Variants in SLC35F1 observed in about 807,000 individuals in gnomAD.
SLC35F1 encodes chromosome 6 open reading frame 169.
SLC35F1 carries 14 observed loss-of-function variants against 48.7 expected under a neutral mutation model. The observed-to-expected ratio is 0.29, with a 90% CI of 0.19 to 0.45. The LOEUF is 0.45. Ranked by LOEUF, SLC35F1 falls within the 20% of genes least tolerant of loss-of-function variation. The pLI is 1.00. For synonymous variants in SLC35F1, 190 were observed against 202.2 expected, an observed-to-expected ratio of 0.94 and a Z score of 0.51; for missense variants, 404 against 500.0, an observed-to-expected ratio of 0.81 and a Z score of 1.83.
intron 1 of SLC35F1, among the ~76,000 whole-genome samples, chr6:118,073,563 T>C (rs1407961998): frequency 6.6e-6 from 1 of 152,156 alleles, no homozygotes; most frequent in Non-Finnish European, 1.5e-5. Flanking sequence ...AAAGAACAAA[T>C]AAAATGCTGT....
Position 118,019,181 on chromosome 6 carries a change from G to T in SLC35F1, c.173+111282G>T, listed in dbSNP as rs771246369. 4.7e-4 allele frequency among the ~76,000 whole-genome samples: 71 copies of T among 151,350 alleles called. No homozygotes were observed. In the Middle Eastern group the frequency reaches 0.01, roughly 22 times the overall value. The stretch of plus-strand genomic sequence containing the variant: ...TTGAATAAATATAATTGTAATTTTA[G>T]AATAAATATATTAAAATATATAGTA... On this transcript the variant is annotated intron_variant, in intron 1 of 7. Coordinates refer to ENST00000360388, the MANE Select transcript of SLC35F1 (RefSeq NM_001029858.4).
intron 3 of SLC35F1, among the ~76,000 whole-genome samples, chr6:118,260,677 C>T (rs559501733): frequency 2.6e-5 from 4 of 152,138 alleles, no homozygotes; most frequent in Non-Finnish European, 5.9e-5. Context: ...TCTATATATG[C>T]CTTCACTGTC....
rs991955298 is a variant in SLC35F1 at position 117,923,949 on chromosome 6, TTATA to T, written c.173+16055_173+16058del. On this transcript the variant is annotated intron_variant, in intron 1 of 7. Transcript: ENST00000360388. ...ATGTGTTATGTACTAGATTGACACTTTATATATACATATATAGGGAATAGAATGG... is the reference window on the plus strand; with the variant it reads ...ATGTGTTATGTACTAGATTGACACTTTATACATATATAGGGAATAGAATGG... Among the ~76,000 whole-genome samples the T allele has an allele frequency of 4.7e-5, 7 of 150,216 alleles. No homozygotes were observed. The East Asian group carries it at 7.9e-4, about 17-fold the overall frequency.
At chr6:118,080,622 T>G (rs891862943) in intron 1 of SLC35F1, among the ~76,000 whole-genome samples, 2 of 152,222 alleles carry the variant, frequency 1.3e-5, no homozygotes, top group Non-Finnish European at 2.9e-5. Flanking sequence ...ATTGAGCTAT[T>G]AGAGGCTAAG....
At chr6:118,222,823 G>A (rs1398081032) in intron 2 of SLC35F1, among the ~76,000 whole-genome samples, 2 of 152,166 alleles carry the variant, frequency 1.3e-5, no homozygotes, top group Non-Finnish European at 2.9e-5. Context: ...TGGCCACTGA[G>A]TCCTTTTGAT....
intron 1 of SLC35F1, among the ~76,000 whole-genome samples, chr6:118,085,418 A>G (rs1772972564): frequency 6.6e-6 from 1 of 150,526 alleles, no homozygotes; most frequent in Admixed American, 6.6e-5. Flanking sequence ...GCCTATGTCA[A>G]CTAGTTACAG....
At chr6:118,196,763 C>T (rs1774806132) in intron 2 of SLC35F1, among the ~76,000 whole-genome samples, 2 of 152,054 alleles carry the variant, frequency 1.3e-5, no homozygotes, top group South Asian at 4.1e-4. Context: ...AAATCATTGT[C>T]AAGACCAATG....
chr6:117,954,086 C>T (rs1363238849), intron 1 of SLC35F1, among the ~76,000 whole-genome samples: 2 of 152,138 alleles, frequency 1.3e-5, no homozygotes, highest in African/African-American at 4.8e-5. Flanking sequence ...GGAAAGCAGT[C>T]ATATTTTTGT....
intron 2 of SLC35F1, among the ~76,000 whole-genome samples, chr6:118,178,887 C>G (rs1324103781): frequency 1.3e-5 from 2 of 152,072 alleles, no homozygotes; most frequent in Non-Finnish European, 2.9e-5. Context: ...TTTGAACATT[C>G]TTCTTTAGAA....
rs776663685 is a variant in SLC35F1 at position 118,267,132 on chromosome 6, T to G, written c.615T>G (p.Leu205=). ...GCTGCATGGTGGGAGCAGATGTGCT[T>G]GTGGGAAGACATCAGGGAGCAGGTG... ...GMGCMVGADV[L]VGRHQGAGEN... Residue 205 remains leucine (L), a synonymous_variant, in exon 4 of 8, where the codon CTT becomes CTG. Transcript: ENST00000360388. The G allele has an allele frequency of 5.0e-6, 8 of 1,613,880 alleles. No individual in the cohort carries two copies. The highest frequency in any genetic ancestry group is 1.6e-4 in the Middle Eastern group (1 of 6,078).
At chr6:118,170,551 T>C (rs1203447530) in intron 2 of SLC35F1, among the ~76,000 whole-genome samples, 1 of 152,188 alleles carries the variant, frequency 6.6e-6, no homozygotes, top group Non-Finnish European at 1.5e-5. Context: ...GCCTTTCTTC[T>C]GCCTCAGCCT....
intron 1 of SLC35F1, among the ~76,000 whole-genome samples, chr6:118,041,196 T>G (rs574253511): frequency 2.6e-5 from 4 of 152,342 alleles, no homozygotes; most frequent in Admixed American, 6.5e-5. Flanking sequence ...TTAGCAAATT[T>G]ATTAAAATAT....
chr6:118,217,729 C>T (rs774497282), intron 2 of SLC35F1, among the ~76,000 whole-genome samples: 1 of 152,088 alleles, frequency 6.6e-6, no homozygotes, highest in Non-Finnish European at 1.5e-5. Flanking sequence ...AGGAATTATG[C>T]CCCCCTGCTT....
chr6:118,302,702 A>G (rs1248617580), intron 7 of SLC35F1, among the ~76,000 whole-genome samples: 2 of 152,202 alleles, frequency 1.3e-5, no homozygotes, highest in Non-Finnish European at 2.9e-5. Context: ...TTTAATTTTT[A>G]TGATATTAAT....
At chr6:117,977,814 G>A (rs866292585) in intron 1 of SLC35F1, among the ~76,000 whole-genome samples, 1 of 152,002 alleles carries the variant, frequency 6.6e-6, no homozygotes, top group Non-Finnish European at 1.5e-5. Context: ...TTAATGCATA[G>A]GATATTGAGG....
chr6:118,129,946 G>C (rs1773685969), intron 1 of SLC35F1, among the ~76,000 whole-genome samples: 1 of 152,146 alleles, frequency 6.6e-6, no homozygotes, highest in South Asian at 2.1e-4. Context: ...TTTTCTCTTT[G>C]CTAGGTTGCC....
At chr6:117,924,737 T>G (rs2760231) in intron 1 of SLC35F1, among the ~76,000 whole-genome samples, 1 of 152,060 alleles carries the variant, frequency 6.6e-6, no homozygotes, top group African/African-American at 2.4e-5. Flanking sequence ...TCCAGTGTGA[T>G]GTGATAGAAA....
At chr6:118,051,595 A>G (rs953606870) in intron 1 of SLC35F1, among the ~76,000 whole-genome samples, 12 of 152,232 alleles carry the variant, frequency 7.9e-5, no homozygotes, top group African/African-American at 2.9e-4. Flanking sequence ...GAAAAAATGT[A>G]AAATAAATAA....
chr6:118,249,019 G>C (rs763916462), intron 3 of SLC35F1, among the ~76,000 whole-genome samples: 8 of 152,208 alleles, frequency 5.3e-5, no homozygotes, highest in Non-Finnish European at 1.2e-4. Context: ...AGAAATGACT[G>C]CTGTCTATGA....
Sources: allele counts gnomAD v4.1 joint callset (sites outside exome capture counted in the v4.1 genomes callset), GRCh38; gene constraint gnomAD v4.1.1; transcripts MANE v1.5; gene names NCBI Gene and HGNC (gene_info 2026-07-23, HGNC 2026-07-21).